Variants in ERC2 observed in about 807,000 individuals in gnomAD.
ERC2 encodes the protein ELKS/RAB6-interacting/CAST family member 2.
ERC2 carries 42 observed loss-of-function variants against 114.8 expected under a neutral mutation model. The observed-to-expected ratio is 0.37, with a 90% CI of 0.29 to 0.47. The LOEUF (loss-of-function observed/expected upper bound fraction) is 0.47. Among genes scored for constraint, ERC2 ranks in the 20% least tolerant of loss-of-function variants. The pLI is 0.99. For synonymous variants in ERC2, 454 were observed against 425.5 expected (o/e 1.07, Z -0.82); for missense variants, 939 against 1,150.7 (o/e 0.82, Z 2.66).
intron 2 of ERC2, among the ~76,000 whole-genome samples, chr3:56,423,522 G>C (rs998840177): frequency 2.0e-5 from 3 of 152,340 alleles, no homozygotes; most frequent in African/African-American, 2.4e-5. Flanking sequence ...GAACTACCAA[G>C]TTAACTTTAT....
At position 56,030,548 on chromosome 3, in the gene ERC2, T is replaced by C. The variant is rs1418457790; in HGVS notation, c.1642-11517A>G. 9.9e-5 allele frequency among the ~76,000 whole-genome samples: 15 copies of C among 152,206 alleles called. No individual in the cohort carries two copies. In the East Asian group the frequency reaches 2.9e-3, roughly 29 times the overall value. ...ATATCTTCTTGGTGAATTACTCTGT[T>C]TTATTATGATATAATGTTACTGATG... On this transcript the variant is annotated intron_variant, in intron 7 of 17. Coordinates refer to ENST00000288221, the MANE Select transcript of ERC2 (RefSeq NM_015576.3).
intron 14 of ERC2, among the ~76,000 whole-genome samples, chr3:55,821,332 G>A (rs571712872): frequency 6.6e-6 from 1 of 152,266 alleles, no homozygotes; most frequent in East Asian, 1.9e-4. Context: ...CTGTAGAGGG[G>A]CTAATTCTGA....
At chr3:55,940,707 C>G (rs2066731583) in intron 13 of ERC2, among the ~76,000 whole-genome samples, 1 of 152,108 alleles carries the variant, frequency 6.6e-6, no homozygotes, top group Non-Finnish European at 1.5e-5. Flanking sequence ...AAAAAGTCCT[C>G]AAAAAACATC....
chr3:56,097,516 C>A (rs144800087), intron 6 of ERC2, among the ~76,000 whole-genome samples: 1 of 152,074 alleles, frequency 6.6e-6, no homozygotes, highest in African/African-American at 2.4e-5. Context: ...GTGTATAAAT[C>A]AATTTACTGT....
rs1283186572 is a variant in ERC2 at position 55,637,863 on chromosome 3, T to C, written c.*39+45931A>G. Among the ~76,000 whole-genome samples, 3 of 152,094 alleles carry C rather than the reference T, an allele frequency of 2.0e-5. No individual in the cohort carries two copies. The South Asian group carries it at 6.2e-4, about 32-fold the overall frequency. ...ATCTACATGGGCTAAGAATTTGACA[T>C]GCATTTTCTCACTGACCCCTCTGAC... On this transcript the variant is annotated intron_variant, in intron 17 of 17. Coordinates refer to ENST00000288221, the MANE Select transcript of ERC2 (RefSeq NM_015576.3).
chr3:56,442,302 T>C (rs2062353414), intron 1 of ERC2, among the ~76,000 whole-genome samples: 1 of 152,078 alleles, frequency 6.6e-6, no homozygotes, highest in Non-Finnish European at 1.5e-5. Flanking sequence ...CTCACTGCAA[T>C]CTCTGTCTCC....
At chr3:55,531,302 C>T (rs1249955043) in intron 17 of ERC2, among the ~76,000 whole-genome samples, 1 of 152,114 alleles carries the variant, frequency 6.6e-6, no homozygotes, top group Non-Finnish European at 1.5e-5. Context: ...TGAATTGATG[C>T]AACCCTCAAG....
At chr3:55,788,719 G>A (rs1294166459) in intron 14 of ERC2, among the ~76,000 whole-genome samples, 1 of 152,168 alleles carries the variant, frequency 6.6e-6, no homozygotes, top group African/African-American at 2.4e-5. Context: ...TGGAGGTGAT[G>A]GCCATCGAAG....
chr3:56,424,253 C>T (rs1271916779), intron 2 of ERC2, among the ~76,000 whole-genome samples: 2 of 152,046 alleles, frequency 1.3e-5, no homozygotes, highest in African/African-American at 2.4e-5. Context: ...CTAAAATAAT[C>T]TATTCATTGA....
intron 14 of ERC2, among the ~76,000 whole-genome samples, chr3:55,811,681 A>G (rs961899157): frequency 2.2e-4 from 33 of 152,194 alleles, no homozygotes; most frequent in Non-Finnish European, 3.7e-4. Flanking sequence ...TTTATCTTCC[A>G]GAAATCAGCT....
intron 6 of ERC2, among the ~76,000 whole-genome samples, chr3:56,084,867 TAA>T (rs35491624): frequency 2.6e-4 from 34 of 133,044 alleles, no homozygotes; most frequent in African/African-American, 4.6e-4. Context: ...ATTTAAAAAT[TAA>T]AAAAAAAAAA....
chr3:56,069,649 A>T (rs1355505792), intron 7 of ERC2, among the ~76,000 whole-genome samples: 1 of 152,238 alleles, frequency 6.6e-6, no homozygotes. Context: ...GGTCCATCTT[A>T]GAATTCTATC....
chr3:55,879,310 C>A (rs2063014643), intron 14 of ERC2, among the ~76,000 whole-genome samples: 1 of 152,056 alleles, frequency 6.6e-6, no homozygotes. Flanking sequence ...GTTCCTGCTG[C>A]TACAGAGTTC....
rs188660284 is a variant in ERC2 at position 56,440,524 on chromosome 3, G to A, written c.-140-5377C>T. On this transcript the variant is annotated intron_variant, in intron 1 of 17. Transcript: ENST00000288221. ...GATCACGCCACTGAACTCCAGCCTG[G>A]GCAACAGTGCAAGACTCTGTCTCAA... Among the ~76,000 whole-genome samples, 334 of 150,500 alleles carry A rather than the reference G, an allele frequency of 2.2e-3. 1 individual carries two copies. The highest frequency in any genetic ancestry group is 7.9e-3 in the African/African-American group (324 of 40,826).
intron 3 of ERC2, among the ~76,000 whole-genome samples, chr3:56,191,571 G>C (rs370131219): frequency 1.1e-4 from 17 of 152,288 alleles, no homozygotes; most frequent in African/African-American, 4.1e-4. Context: ...ACTTGCCTAA[G>C]TGCTCAGATG....
At chr3:55,763,725 C>T (rs780528823) in intron 14 of ERC2, among the ~76,000 whole-genome samples, 2 of 152,104 alleles carry the variant, frequency 1.3e-5, no homozygotes, top group Non-Finnish European at 2.9e-5. Flanking sequence ...ATAATGAATG[C>T]CCACAAGCCC....
chr3:55,779,928 A>T (rs984369840), intron 14 of ERC2, among the ~76,000 whole-genome samples: 20 of 152,178 alleles, frequency 1.3e-4, no homozygotes, highest in Non-Finnish European at 1.9e-4. Context: ...GGAATTCTTA[A>T]ATATACCTTA....
chr3:55,799,451 A>G (rs1402282671), intron 14 of ERC2, among the ~76,000 whole-genome samples: 1 of 54,294 alleles, frequency 1.8e-5, no homozygotes, highest in African/African-American at 1.6e-4. Flanking sequence ...ATATATATGC[A>G]TATATATATA....
At chr3:55,530,528 C>T (rs1390820046) in intron 17 of ERC2, among the ~76,000 whole-genome samples, 1 of 152,110 alleles carries the variant, frequency 6.6e-6, no homozygotes, top group Non-Finnish European at 1.5e-5. Context: ...ACAGCAGCTT[C>T]CCAAGATATC....
Sources: allele counts gnomAD v4.1 joint callset (sites outside exome capture counted in the v4.1 genomes callset), GRCh38; gene constraint gnomAD v4.1.1; transcripts MANE v1.5; gene names NCBI Gene and HGNC (gene_info 2026-07-23, HGNC 2026-07-21).